UTP20: variants seen among roughly 807,000 people sequenced by gnomAD.
UTP20 encodes UTP20 small subunit processome component.
Under a neutral mutation model 329.5 loss-of-function variants are expected in UTP20, and 164 were observed. The ratio of observed to expected loss-of-function variants is 0.50; its 90% CI spans 0.44 to 0.57. The LOEUF (loss-of-function observed/expected upper bound fraction) is 0.57. Among genes scored for constraint, UTP20 ranks in the 20% least tolerant of loss-of-function variants. The pLI is 0.00. For missense variants in UTP20, 3,055 were observed against 3,284.2 expected (o/e 0.93, Z 1.71); for synonymous variants, 1,151 against 1,159.3 (o/e 0.99, Z 0.14).
chr12:101,336,171 G>T (rs2137272726), intron 29 of UTP20, among the ~76,000 whole-genome samples: 1 of 152,212 alleles, frequency 6.6e-6, no homozygotes, highest in East Asian at 1.9e-4. Context: ...CTCACCTGAA[G>T]AAATCTATAA....
chr12:101,321,514 C>A lies in UTP20; in HGVS notation c.2926C>A (p.Gln976Lys), dbSNP rs749180327. The change falls in exon 25 of 62, where the codon CAA becomes AAA. Residue 976 changes from glutamine to lysine, a missense_variant. Gln to Lys is a moderately conservative substitution (Grantham distance 53, BLOSUM62 1). This residue lies in a region of UTP20 where 2,445 missense variants were observed against 2,575.5 expected (regional missense o/e 0.95). Coordinates refer to ENST00000261637, the MANE Select transcript of UTP20 (RefSeq NM_014503.3). ...PHVLPYRENLQRLLEDRSFKE... is the reference protein window; with the variant it reads ...PHVLPYRENLKRLLEDRSFKE... Reference sequence around the variant, plus strand: ...TCTCTGTTTTTAAAGGGAAAACTTACAAAGGTTGCTTGAAGACAGAAGCTT... The same window carrying A: ...TCTCTGTTTTTAAAGGGAAAACTTAAAAAGGTTGCTTGAAGACAGAAGCTT... 2 of 1,612,960 alleles carry A rather than the reference C, an allele frequency of 1.2e-6. No individual in the cohort carries two copies. The highest frequency in any genetic ancestry group is 2.2e-5 in the South Asian group (2 of 91,016).
chr12:101,375,881 G>A, intron 56 of UTP20, 125 bp downstream of exon 56: 3 of 601,208 alleles, frequency 5.0e-6, no homozygotes, highest in East Asian at 3.1e-5. Flanking sequence ...GAGTCCATGA[G>A]AAAAAACCTA....
In UTP20 at chr12:101,329,564, C is replaced by A. The variant is rs527372450; in HGVS notation, c.3417+115C>A. ...TTCCAACTCTCATTTCAAGTTTGATCCCAGAACAAAGCCCAAAATTGTAAA... is the reference window on the plus strand; with the variant it reads ...TTCCAACTCTCATTTCAAGTTTGATACCAGAACAAAGCCCAAAATTGTAAA... On this transcript the variant is annotated intron_variant, in intron 27 of 61. Transcript: ENST00000261637. The A allele has an allele frequency of 1.7e-5, 19 of 1,086,888 alleles. 1 individual carries two copies. The East Asian group carries it at 4.1e-4, about 24-fold the overall frequency. The allele number at this position is 1,086,888 out of a possible 1,614,324, so 67.3% of individuals were successfully genotyped here. A position where few individuals can be genotyped will look rare whatever the true frequency, so the allele number is the denominator to read the frequency against.
chr12:101,338,828 G>A lies in UTP20; in HGVS notation c.3884G>A (p.Gly1295Glu), dbSNP rs1177384499. ...TCTATTTCAGAGTCTATCACAATAGGAGGAAGATTAATTCTACCTCATGTA... is the reference window on the plus strand; with the variant it reads ...TCTATTTCAGAGTCTATCACAATAGAAGGAAGATTAATTCTACCTCATGTA... ...AENIGESITI[G>E]GRLILPHVPA... The change falls in exon 31 of 62, where the codon GGA (glycine) becomes GAA (glutamate). Residue 1295 changes from glycine (G) to glutamate (E), a missense_variant. This residue lies in a region of UTP20 where 2,445 missense variants were observed against 2,575.5 expected (regional missense o/e 0.95). Coordinates refer to ENST00000261637, the MANE Select transcript of UTP20 (RefSeq NM_014503.3). 6.2e-7 allele frequency: 1 copy of A among 1,608,644 alleles called. No individual in the cohort carries two copies. The highest frequency in any genetic ancestry group is 1.7e-5 in the Admixed American group (1 of 58,396).
chr12:101,335,859 A>T (rs1414765254), intron 29 of UTP20, among the ~76,000 whole-genome samples: 1 of 152,218 alleles, frequency 6.6e-6, no homozygotes, highest in Non-Finnish European at 1.5e-5. Flanking sequence ...AATTTGACAC[A>T]GCAATTTTAT....
At position 101,300,342 on chromosome 12, in the gene UTP20, T is replaced by C. The variant is rs991904293; in HGVS notation, c.1675+281T>C. The stretch of plus-strand genomic sequence containing the variant: ...TTTGAGCCCCATACCAGGTCCTCTT[T>C]TTCATCTCCCACGTACATCTGACTC... On this transcript the variant is annotated intron_variant, in intron 14 of 61. Transcript: ENST00000261637. Among the ~76,000 whole-genome samples the C allele has an allele frequency of 2.0e-5, 3 of 152,174 alleles. No individual in the cohort carries two copies. In the South Asian group the frequency reaches 6.2e-4, roughly 32 times the overall value.
At chr12:101,334,306 C>T (rs1409186362) in intron 28 of UTP20, 119 bp from the exon 29 acceptor site, 2 of 748,968 alleles carry the variant, frequency 2.7e-6, no homozygotes, top group African/African-American at 3.6e-5. Context: ...TTTGGATGTT[C>T]ATCTCTGTCC....
intron 32 of UTP20, among the ~76,000 whole-genome samples, chr12:101,340,955 T>TGTGATGGAG (rs1869107742): frequency 4.6e-5 from 1 of 21,690 alleles, no homozygotes; most frequent in Non-Finnish European, 7.7e-5. Flanking sequence ...TTTTTTTTTT[T>TGTGATGGAG]TTTTTTTTTT....
intron 18 of UTP20, among the ~76,000 whole-genome samples, chr12:101,309,357 T>G (rs902236781): frequency 9.2e-5 from 14 of 152,206 alleles, no homozygotes. Context: ...TTTACTGAAC[T>G]TGCAAAGCCT....
chr12:101,368,106 G>T, intron 48 of UTP20, 130 bp downstream of exon 48: 2 of 644,452 alleles, frequency 3.1e-6, no homozygotes, highest in Non-Finnish European at 5.3e-6. Flanking sequence ...TTTGGTTGGT[G>T]GGTTTTTTGG....
chr12:101,373,843 C>A, intron 54 of UTP20, 76 bp downstream of exon 54: 1 of 1,467,744 alleles, frequency 6.8e-7, no homozygotes, highest in Non-Finnish European at 9.3e-7. Context: ...GAATATATGT[C>A]ATACACTGTT....
rs367982165 is a variant in UTP20 at position 101,309,887 on chromosome 12, A to C, written c.2231+48A>C. On this transcript the variant is annotated intron_variant, in intron 19 of 61. Coordinates refer to ENST00000261637, the MANE Select transcript of UTP20 (RefSeq NM_014503.3). ...GAAACTATTATACTTTAACTACTGC[A>C]GAATGATGGGGCCCAGATTATTCTC... The C allele has an allele frequency of 1.2e-5, 18 of 1,524,128 alleles. No homozygotes were observed. The African/African-American group carries it at 2.3e-4, about 20-fold the overall frequency. The allele number at this position is 1,524,128 out of a possible 1,614,324, so 94.4% of individuals were successfully genotyped here.
chr12:101,346,137 C>T (rs551221519), intron 37 of UTP20, among the ~76,000 whole-genome samples: 7 of 152,178 alleles, frequency 4.6e-5, no homozygotes, highest in Non-Finnish European at 7.4e-5. Context: ...CTGTAACCTC[C>T]GCCTCCAGGG....
intron 15 of UTP20, among the ~76,000 whole-genome samples, chr12:101,304,297 G>C (rs937239946): frequency 6.6e-6 from 1 of 152,150 alleles, no homozygotes. Context: ...GGGTGACTTA[G>C]TTAACCTCAA....
At chr12:101,339,035 A>G (rs1869033515) in intron 31 of UTP20, 78 bp downstream of exon 31, 2 of 1,432,234 alleles carry the variant, frequency 1.4e-6, no homozygotes, top group African/African-American at 2.9e-5. Flanking sequence ...TATCTTGGCC[A>G]GGCGTGGTGG....
At chr12:101,293,926 C>T (rs1006752652) in intron 11 of UTP20, among the ~76,000 whole-genome samples, 2 of 152,074 alleles carry the variant, frequency 1.3e-5, no homozygotes, top group Admixed American at 1.3e-4. Flanking sequence ...ACTGCTTACA[C>T]GTCTGTAGTT....
rs759472914 is a variant in UTP20 at position 101,363,690 on chromosome 12, G to T, written c.5905G>T (p.Gly1969Cys). Residue 1969 changes from glycine to cysteine, a missense_variant, in exon 45 of 62, where the codon GGC becomes TGC. Around this residue, in one of 3 missense-constraint regions of UTP20, gnomAD observed 2,445 missense variants for 2,575.5 expected, o/e 0.95. Transcript: ENST00000261637. ...AAGTTACGACTCTTATGAAATCCTC[G>T]GCAAGTTTGTAGGAAAAGATCAGGT... ...SKSYDSYEIL[G>C]KFVGKDQVTK... 2 of 1,612,728 alleles carry T rather than the reference G, an allele frequency of 1.2e-6. No individual in the cohort carries two copies. Among genetic ancestry groups the T allele is most frequent in the South Asian group, 2.2e-5 (2 of 91,022 alleles).
intron 25 of UTP20, among the ~76,000 whole-genome samples, chr12:101,324,682 A>G (rs530195697): frequency 6.6e-6 from 1 of 152,302 alleles, no homozygotes; most frequent in African/African-American, 2.4e-5. Context: ...GTTTGTTTAT[A>G]ATAACAATCA....
chr12:101,348,067 G>A, intron 38 of UTP20, among the ~76,000 whole-genome samples: 1 of 152,202 alleles, frequency 6.6e-6, no homozygotes, highest in East Asian at 1.9e-4. Context: ...GACCTTAGGT[G>A]ATCTGCCCAC....
Sources: allele counts gnomAD v4.1 joint callset (sites outside exome capture counted in the v4.1 genomes callset), GRCh38; gene constraint gnomAD v4.1.1; regional missense constraint gnomAD v4.1.1; transcripts MANE v1.5; gene names NCBI Gene and HGNC (gene_info 2026-07-23, HGNC 2026-07-21).